The following CORO7 variants were observed in gnomAD, a reference collection of about 807,000 sequenced individuals.
CORO7 encodes coronin-7.
In CORO7, 107 loss-of-function variants were observed where a neutral mutation model predicts 126.6. The ratio of observed to expected loss-of-function variants is 0.85; its 90% CI spans 0.72 to 0.99. The LOEUF (loss-of-function observed/expected upper bound fraction) is 0.99, where lower values mean the gene tolerates loss of function less well. CORO7 is among the 50% of genes least tolerant of loss of function. The pLI is 0.00. For synonymous variants in CORO7, 603 were observed against 536.8 expected, an observed-to-expected ratio of 1.12 and a Z score of -1.70; for missense variants, 1,314 against 1,255.8, an observed-to-expected ratio of 1.05 and a Z score of -0.70.
chr16:4,374,191 G>A (rs1486964272), intron 9 of CORO7, among the ~76,000 whole-genome samples: 1 of 151,568 alleles, frequency 6.6e-6, no homozygotes. Flanking sequence ...GTATTTGGGG[G>A]TGGGTGGGGG....
intron 8 of CORO7, 146 bp from the exon 9 acceptor site, chr16:4,388,214 C>G: frequency 9.8e-7 from 1 of 1,024,158 alleles, no homozygotes; most frequent in South Asian, 1.5e-5. Context: ...GGGAGTCACC[C>G]CAGGGAAAGA....
At chr16:4,412,986 G>A in intron 2 of CORO7, 1 of 308,824 alleles carries the variant, frequency 3.2e-6, no homozygotes. Flanking sequence ...ACTGTCCCCA[G>A]CCATCCAGGG....
chr16:4,374,313 C>T (rs998000982), intron 9 of CORO7, among the ~76,000 whole-genome samples: 5 of 152,032 alleles, frequency 3.3e-5, no homozygotes, highest in African/African-American at 1.2e-4. Context: ...GCTGGGCCGC[C>T]GGCCTCCCCC....
rs756469350 is a variant in CORO7 at position 4,362,654 on chromosome 16, T to C, written c.1360A>G (p.Ile454Val). The C allele has an allele frequency of 3.9e-6, 6 of 1,550,806 alleles. No individual in the cohort carries two copies. The highest frequency in any genetic ancestry group is 1.2e-5 in the South Asian group (1 of 82,938). The change falls in exon 15 of 28, where the codon ATC becomes GTC. Residue 454 changes from isoleucine (I) to valine (V), a missense_variant. Ile to Val is a conservative substitution (Grantham distance 29, BLOSUM62 3). Transcript: ENST00000251166. This position sits in a 1 kb window ranked among gnomAD's most constrained non-coding sequence, Gnocchi z 5.3. ...LGPSLSSTSG[I>V]GTSPSLRSLQ... Reference sequence around the variant, plus strand: ...GACCTCAAACTGGGGCTGGTCCCGATGCCACTGGTGCTGGAGAGTGAGGGC... The same window carrying C: ...GACCTCAAACTGGGGCTGGTCCCGACGCCACTGGTGCTGGAGAGTGAGGGC...
At chr16:4,399,814 C>T (rs1283449119) in intron 6 of CORO7, among the ~76,000 whole-genome samples, 1 of 151,708 alleles carries the variant, frequency 6.6e-6, no homozygotes, top group Non-Finnish European at 1.5e-5. Context: ...CTGCTTGAGC[C>T]TTAGAGTTTG....
chr16:4,383,187 T>C (rs1451640213), intron 9 of CORO7: 1 of 394,946 alleles, frequency 2.5e-6, no homozygotes, highest in African/African-American at 2.1e-5. Flanking sequence ...GGCCCTGCCA[T>C]GTGCTGGTAA....
chr16:4,364,223 G>C lies in CORO7; in HGVS notation c.1275+53C>G. ...AGGCCGTTCAGCCGGTGAACACTCAGGGCAGCCACTGCAGTGTCGCTGAGG... is the reference window on the plus strand; with the variant it reads ...AGGCCGTTCAGCCGGTGAACACTCACGGCAGCCACTGCAGTGTCGCTGAGG... On this transcript the variant is annotated intron_variant, in intron 14 of 27. Transcript: ENST00000251166. 5 of 1,476,870 alleles carry C rather than the reference G, an allele frequency of 3.4e-6. No individual in the cohort carries two copies. In the South Asian group the frequency reaches 4.3e-5, roughly 13 times the overall value. The allele number at this position is 1,476,870 out of a possible 1,614,324, so 91.5% of individuals were successfully genotyped here.
intron 9 of CORO7, chr16:4,381,146 G>C (rs373466134): frequency 2.0e-5 from 33 of 1,610,486 alleles, no homozygotes; most frequent in Non-Finnish European, 2.8e-5. Context: ...CAGATCGCCA[G>C]CCTGCCCAGC....
intron 7 of CORO7, among the ~76,000 whole-genome samples, chr16:4,390,091 C>T (rs1219675391): frequency 1.3e-5 from 2 of 152,230 alleles, no homozygotes; most frequent in African/African-American, 2.4e-5. Flanking sequence ...ATAAACACAT[C>T]GGGGAGGTAG....
intron 7 of CORO7, 22 bp downstream of exon 7, chr16:4,395,267 C>G: frequency 9.9e-6 from 16 of 1,613,978 alleles, no homozygotes; most frequent in East Asian, 4.5e-5. Flanking sequence ...TCAACCCACC[C>G]CAGCTTGCCC....
chr16:4,413,324 G>T lies in CORO7; in HGVS notation c.141C>A (p.Phe47Leu). The T allele has an allele frequency of 1.3e-6, 2 of 1,582,330 alleles. No homozygotes were observed. The highest frequency in any genetic ancestry group is 1.7e-6 in the Non-Finnish European group (2 of 1,163,018). Residue 47 changes from phenylalanine to leucine, a missense_variant, in exon 2 of 28, where the codon TTC becomes TTA. Phe to Leu is a conservative substitution (Grantham distance 22). Transcript: ENST00000251166. ...HIKSSCSLIA[F>L]NSDRPGVLGI... ...ATTCCCTACCAGGACGGTCGGAGTT[G>T]AAGGCGATCAAGCTGCAGCTTGATT...
At chr16:4,371,377 T>C (rs906002901) in intron 9 of CORO7, among the ~76,000 whole-genome samples, 7 of 152,098 alleles carry the variant, frequency 4.6e-5, no homozygotes, top group Admixed American at 1.3e-4. Flanking sequence ...CAATAACACA[T>C]TGAGAGATTT....
chr16:4,355,469 T>A (rs2053947516), intron 26 of CORO7, 97 bp from the exon 27 acceptor site: 26 of 218,906 alleles, frequency 1.2e-4, no homozygotes, highest in Non-Finnish European at 1.6e-4. Flanking sequence ...TGAAAAGAAC[T>A]TTTTTTTTTT....
At position 4,416,554 on chromosome 16, in the gene CORO7, C is replaced by T. The variant is rs746410996; in HGVS notation, c.-36G>A. The stretch of plus-strand genomic sequence containing the variant: ...ACGGCGGCGGACGCGTCTTCGAGGA[C>T]CCCGGGCGTCGGGTCTCAGGTGCAC... On this transcript the variant is annotated 5_prime_UTR_variant, in exon 1 of 28. Transcript: ENST00000251166. 1.3e-6 allele frequency: 2 copies of T among 1,570,382 alleles called. No individual in the cohort carries two copies. Among genetic ancestry groups the T allele is most frequent in the Non-Finnish European group, 1.7e-6 (2 of 1,162,038 alleles).
At chr16:4,378,108 CT>C (rs1458318513) in intron 9 of CORO7, among the ~76,000 whole-genome samples, 2 of 152,226 alleles carry the variant, frequency 1.3e-5, no homozygotes. Context: ...GCACGTGCCC[CT>C]AAGAGCTGGC....
Position 4,416,556 on chromosome 16 carries a change from C to T in CORO7, c.-38G>A. 6.4e-7 allele frequency: 1 copy of T among 1,570,480 alleles called. No individual in the cohort carries two copies. The highest frequency in any genetic ancestry group is 8.6e-7 in the Non-Finnish European group (1 of 1,162,080). On this transcript the variant is annotated 5_prime_UTR_variant, in exon 1 of 28. Coordinates refer to ENST00000251166, the MANE Select transcript of CORO7 (RefSeq NM_024535.5). The stretch of plus-strand genomic sequence containing the variant: ...GGCGGCGGACGCGTCTTCGAGGACC[C>T]CGGGCGTCGGGTCTCAGGTGCACGC...
chr16:4,395,397 C>A (rs1447447323), intron 6 of CORO7, 58 bp from the exon 7 acceptor site: 1 of 1,608,742 alleles, frequency 6.2e-7, no homozygotes, highest in Non-Finnish European at 8.5e-7. Flanking sequence ...TCCCTGGAAG[C>A]CAGCCTGCTC....
At chr16:4,381,540 G>A in intron 9 of CORO7, 3 of 1,604,794 alleles carry the variant, frequency 1.9e-6, no homozygotes, top group Non-Finnish European at 2.5e-6. Context: ...TCCACGACCT[G>A]GATGTGTCCG....
At chr16:4,407,859 C>A (rs1341987100) in intron 4 of CORO7, among the ~76,000 whole-genome samples, 175 bp from the exon 5 acceptor site, 1 of 152,192 alleles carries the variant, frequency 6.6e-6, no homozygotes, top group Non-Finnish European at 1.5e-5. Flanking sequence ...GGGCTGCATA[C>A]CCCACATCCG....
Sources: gnomAD v4.1 joint callset for allele counts (sites outside exome capture counted in the v4.1 genomes callset) on GRCh38, gnomAD v4.1.1 for gene constraint, Gnocchi (gnomAD v3.1) non-coding constraint, MANE v1.5 for transcripts, NCBI Gene and HGNC (gene_info 2026-07-23, HGNC 2026-07-21) for gene names.